Variants in APOE observed in about 807,000 individuals in gnomAD.
The protein encoded by APOE is apolipoprotein E.
In APOE, 10 loss-of-function variants were observed where a neutral mutation model predicts 13.1. The ratio of observed to expected loss-of-function variants is 0.76; its 90% CI spans 0.47 to 1.29. The LOEUF is 1.29. APOE is among the 50% of genes most tolerant of loss of function. The pLI, the probability that APOE is intolerant of heterozygous loss-of-function variation, is 0.00. For synonymous variants in APOE, 211 were observed against 207.1 expected, an observed-to-expected ratio of 1.02 and a Z score of -0.16; for missense variants, 471 against 459.6, an observed-to-expected ratio of 1.02 and a Z score of -0.23.
rs1235684033 is a variant in APOE at position 44,907,447 on chromosome 19, A to C, written c.44-313A>C. 3.3e-5 allele frequency: 13 copies of C among 398,502 alleles called. No individual in the cohort carries two copies. Among genetic ancestry groups the C allele is most frequent in the Non-Finnish European group, 4.8e-5 (10 of 210,026 alleles). 24.7% of individuals were successfully genotyped at this position (398,502 alleles called of 1,614,324 possible). ...CCCTGTCTCTACTAAAAATACAAAA[A>C]TTAGCCAGGCATGGTGCCACACACC... On this transcript the variant is annotated intron_variant, in intron 2 of 3. Transcript: ENST00000252486. This position sits in a 1 kb window ranked among gnomAD's most constrained non-coding sequence, Gnocchi z 4.1.
rs555840707 is a variant in APOE, at chr19:44,905,866, G to A, written c.-24+25G>A. The A allele has an allele frequency of 1.2e-5, 15 of 1,295,120 alleles. 1 individual carries two copies. The South Asian group carries it at 1.6e-4, about 14-fold the overall frequency. The allele number at this position is 1,295,120 out of a possible 1,614,324, so 80.2% of individuals were successfully genotyped here. A position where few individuals can be genotyped will look rare whatever the true frequency, so the allele number is the denominator to read the frequency against. The stretch of plus-strand genomic sequence containing the variant: ...GGTGAGAAGCGCAGTCGGGGGCACG[G>A]GGATGAGCTCAGGGGCCTCTAGAAA... On this transcript the variant is annotated intron_variant, in intron 1 of 3. Transcript: ENST00000252486.
Position 44,907,715 on chromosome 19 carries a change from C to T in APOE, c.44-45C>T, listed in dbSNP as rs780533924. The T allele has an allele frequency of 3.9e-6, 6 of 1,542,472 alleles. No homozygotes were observed. The highest frequency in any genetic ancestry group is 1.2e-5 in the South Asian group (1 of 86,152). ...TGCCCCTAGGTACTAGATGCCTGGA[C>T]GGGGTCAGAAGGACCCTGACCCACC... On this transcript the variant is annotated intron_variant, in intron 2 of 3. Coordinates refer to ENST00000252486, the MANE Select transcript of APOE (RefSeq NM_000041.4). This position sits in a 1 kb window ranked among gnomAD's most constrained non-coding sequence, Gnocchi z 4.1.
chr19:44,907,728 A>ACCCTGACC lies in APOE; in HGVS notation c.44-30_44-23dup. 1 of 1,580,074 alleles carries ACCCTGACC rather than the reference A, an allele frequency of 6.3e-7. No homozygotes were observed. Among genetic ancestry groups the ACCCTGACC allele is most frequent in the Non-Finnish European group, 8.6e-7 (1 of 1,165,834 alleles). Reference sequence around the variant, plus strand: ...TAGATGCCTGGACGGGGTCAGAAGGACCCTGACCCACCTTGAACTTGTTCC... The same window carrying ACCCTGACC: ...TAGATGCCTGGACGGGGTCAGAAGGACCCTGACCCCCTGACCCACCTTGAACTTGTTCC... On this transcript the variant is annotated intron_variant, in intron 2 of 3. Coordinates refer to ENST00000252486, the MANE Select transcript of APOE (RefSeq NM_000041.4). This position sits in a 1 kb window ranked among gnomAD's most constrained non-coding sequence, Gnocchi z 4.1.
chr19:44,908,620 G>A lies in APOE; in HGVS notation c.324G>A (p.Arg108=), dbSNP rs910310655. 1 of 1,609,078 alleles carries A rather than the reference G, an allele frequency of 6.2e-7. No individual in the cohort carries two copies. The highest frequency in any genetic ancestry group is 8.5e-7 in the Non-Finnish European group (1 of 1,177,668). The part of the protein sequence containing the change: ...EQLTPVAEET[R]ARLSKELQAA... ...TGACCCCGGTGGCGGAGGAGACGCG[G>A]GCACGGCTGTCCAAGGAGCTGCAGG... The change falls in exon 4 of 4, where the codon CGG becomes CGA. Residue 108 remains arginine (R), a synonymous_variant. Coordinates refer to ENST00000252486, the MANE Select transcript of APOE (RefSeq NM_000041.4).
At position 44,906,304 on chromosome 19, in the gene APOE, C is replaced by G. The variant is rs1969804957; in HGVS notation, c.-23-298C>G. 3.5e-5 allele frequency: 16 copies of G among 459,882 alleles called. No individual in the cohort carries two copies. The East Asian group carries it at 6.3e-4, about 18-fold the overall frequency. The allele number at this position is 459,882 out of a possible 1,614,324, so 28.5% of individuals were successfully genotyped here. A position where few individuals can be genotyped will look rare whatever the true frequency, so the allele number is the denominator to read the frequency against. ...TGAAGGGAGAATGAGGAATGCGAGA[C>G]TGGGACTGAGATGGAACCGGCGGTG... On this transcript the variant is annotated intron_variant, in intron 1 of 3. Coordinates refer to ENST00000252486, the MANE Select transcript of APOE (RefSeq NM_000041.4).
Sources: allele counts gnomAD v4.1 joint callset, GRCh38; gene constraint gnomAD v4.1.1; non-coding constraint Gnocchi (gnomAD v3.1); transcripts MANE v1.5; gene names NCBI Gene and HGNC (gene_info 2026-07-23, HGNC 2026-07-21).